Variants in ADAMTS20 observed in about 807,000 individuals in gnomAD.
The protein encoded by ADAMTS20 is ADAM metallopeptidase with thrombospondin type 1 motif 20, also known as A disintegrin and metalloproteinase with thrombospondin motifs 20.
In ADAMTS20, 225 loss-of-function variants were observed where a neutral mutation model predicts 260.1. That is an observed-to-expected ratio of 0.87 (90% CI 0.78 to 0.97). The LOEUF (loss-of-function observed/expected upper bound fraction) is 0.97. ADAMTS20 is among the 50% of genes least tolerant of loss of function. The pLI, the probability that ADAMTS20 is intolerant of heterozygous loss-of-function variation, is 0.00. For synonymous variants in ADAMTS20, 802 were observed against 769.5 expected (o/e 1.04, Z -0.70); for missense variants, 2,400 against 2,337.7 (o/e 1.03, Z -0.55).
chr12:43,512,865 A>T (rs1444872523), intron 3 of ADAMTS20, among the ~76,000 whole-genome samples: 1 of 152,164 alleles, frequency 6.6e-6, no homozygotes, highest in Non-Finnish European at 1.5e-5. Flanking sequence ...TTACAGCTGA[A>T]CTCCACATCA....
chr12:43,501,481 G>GCACACACACA (rs3036317), intron 4 of ADAMTS20, among the ~76,000 whole-genome samples: 89 of 117,846 alleles, frequency 7.6e-4, no homozygotes, highest in African/African-American at 2.0e-3. Flanking sequence ...GCGCGCGCGC[G>GCACACACACA]CACACACACA....
At position 43,383,538 on chromosome 12, in the gene ADAMTS20, A is replaced by C; in HGVS notation, c.4797+20T>G. 1 of 1,575,664 alleles carries C rather than the reference A, an allele frequency of 6.3e-7. No individual in the cohort carries two copies. Among genetic ancestry groups the C allele is most frequent in the South Asian group, 1.2e-5 (1 of 84,480 alleles). On this transcript the variant is annotated intron_variant, in intron 31 of 38. Coordinates refer to ENST00000389420, the MANE Select transcript of ADAMTS20 (RefSeq NM_025003.5). Reference sequence around the variant, plus strand: ...TTTTATCAAGGAGCAAAAATTCTCAACTTCCTTTCTTTACCTTACCTGTGA... The same window carrying C: ...TTTTATCAAGGAGCAAAAATTCTCACCTTCCTTTCTTTACCTTACCTGTGA...
At chr12:43,394,449 T>C (rs1020060210) in intron 29 of ADAMTS20, among the ~76,000 whole-genome samples, 3 of 152,128 alleles carry the variant, frequency 2.0e-5, no homozygotes, top group African/African-American at 7.2e-5. Context: ...AGTATGTTAG[T>C]GATTTAAGCA....
intron 17 of ADAMTS20, 36 bp from the exon 18 acceptor site, chr12:43,439,787 A>T: frequency 6.4e-7 from 1 of 1,570,876 alleles, no homozygotes; most frequent in Non-Finnish European, 8.6e-7. Flanking sequence ...CAATTAATAC[A>T]TAAAAATATA....
chr12:43,381,592 G>T (rs1372346149), intron 31 of ADAMTS20, among the ~76,000 whole-genome samples: 3 of 145,690 alleles, frequency 2.1e-5, no homozygotes, highest in Non-Finnish European at 4.5e-5. Context: ...AACCAGCTTG[G>T]GCAACACAGG....
intron 3 of ADAMTS20, among the ~76,000 whole-genome samples, chr12:43,505,262 G>A (rs1942825352): frequency 6.6e-6 from 1 of 152,022 alleles, no homozygotes; most frequent in Non-Finnish European, 1.5e-5. Context: ...CAAAAGCACA[G>A]GCAACAAAAG....
At chr12:43,549,241 CATT>C (rs1321767392) in intron 2 of ADAMTS20, among the ~76,000 whole-genome samples, 1 of 151,388 alleles carries the variant, frequency 6.6e-6, no homozygotes, top group African/African-American at 2.4e-5. Context: ...TCACACGTAA[CATT>C]ATAAAAATAT....
rs566398340 is a variant in ADAMTS20, at chr12:43,462,985, A to C, written c.1524T>G (p.His508Gln). 4 of 1,603,252 alleles carry C rather than the reference A, an allele frequency of 2.5e-6. No homozygotes were observed. The South Asian group carries it at 4.5e-5, about 18-fold the overall frequency. ...GCTTTTCTGTGCTTGTGCACCACAG[A>C]TGCATGCATATATTCTCCTGAGTAA... ...QMCPHINICM[H>Q]LWCTSTEKLH... The change falls in exon 11 of 39, where the codon CAT (histidine) becomes CAG (glutamine). Residue 508 changes from histidine to glutamine, a missense_variant. Physicochemically the swap from His to Gln is conservative, Grantham distance 24. Coordinates refer to ENST00000389420, the MANE Select transcript of ADAMTS20 (RefSeq NM_025003.5).
At chr12:43,462,805 C>T in intron 11 of ADAMTS20, 90 bp downstream of exon 11, 1 of 1,026,608 alleles carries the variant, frequency 9.7e-7, no homozygotes, top group Non-Finnish European at 1.4e-6. Context: ...GAAAAGTTGA[C>T]AGCAAATAAC....
Position 43,428,527 on chromosome 12 carries a change from G to A in ADAMTS20, c.3659C>T (p.Ser1220Leu), listed in dbSNP as rs943597036. Residue 1220 changes from serine to leucine, a missense_variant, in exon 26 of 39, where the codon TCA becomes TTA. Ser to Leu is a moderately radical substitution (Grantham distance 145). Coordinates refer to ENST00000389420, the MANE Select transcript of ADAMTS20 (RefSeq NM_025003.5). ...EWQAGDWSPC[S>L]ASCGHGKTTR... is the part of the protein sequence containing the mutation. The stretch of plus-strand genomic sequence containing the variant: ...TGTTTTTCCATGGCCACAGGAAGCT[G>A]AACACTGATCAAAAATTTAGCCAAT... The A allele has an allele frequency of 6.8e-6, 11 of 1,609,416 alleles. No individual in the cohort carries two copies. The highest frequency in any genetic ancestry group is 9.3e-6 in the Non-Finnish European group (11 of 1,177,132).
chr12:43,382,159 T>C (rs545119908), intron 31 of ADAMTS20, among the ~76,000 whole-genome samples: 2 of 152,154 alleles, frequency 1.3e-5, no homozygotes, highest in Non-Finnish European at 2.9e-5. Flanking sequence ...ATTGAAAACA[T>C]ACATCCACAC....
chr12:43,508,694 A>T (rs1942880199), intron 3 of ADAMTS20, among the ~76,000 whole-genome samples: 1 of 152,204 alleles, frequency 6.6e-6, no homozygotes, highest in South Asian at 2.1e-4. Context: ...CATATAGTAC[A>T]TAATAACATC....
intron 3 of ADAMTS20, among the ~76,000 whole-genome samples, chr12:43,505,368 A>G (rs1942827047): frequency 6.6e-6 from 1 of 152,194 alleles, no homozygotes; most frequent in Non-Finnish European, 1.5e-5. Context: ...ATTAGGAGAA[A>G]ATATTTACAA....
At chr12:43,488,978 A>G (rs1227611085) in intron 7 of ADAMTS20, among the ~76,000 whole-genome samples, 1 of 151,968 alleles carries the variant, frequency 6.6e-6, no homozygotes, top group East Asian at 1.9e-4. Flanking sequence ...TACTGCAATT[A>G]CCTTTCAGTT....
chr12:43,397,909 A>T (rs1429413128), intron 29 of ADAMTS20, among the ~76,000 whole-genome samples: 1 of 152,182 alleles, frequency 6.6e-6, no homozygotes, highest in Non-Finnish European at 1.5e-5. Context: ...ATTCAGTATC[A>T]GTGAGGCACT....
chr12:43,453,397 T>C (rs1424432965), intron 12 of ADAMTS20, among the ~76,000 whole-genome samples: 1 of 152,156 alleles, frequency 6.6e-6, no homozygotes, highest in Non-Finnish European at 1.5e-5. Context: ...CCCTTTTAAA[T>C]AGTTTGATGA....
intron 7 of ADAMTS20, among the ~76,000 whole-genome samples, chr12:43,482,786 G>A (rs1361215901): frequency 6.6e-6 from 1 of 152,180 alleles, no homozygotes; most frequent in Non-Finnish European, 1.5e-5. Flanking sequence ...GGTAACATAA[G>A]GCAAGCACAA....
At chr12:43,364,097 T>C (rs1939932044) in intron 37 of ADAMTS20, among the ~76,000 whole-genome samples, 1 of 152,140 alleles carries the variant, frequency 6.6e-6, no homozygotes, top group African/African-American at 2.4e-5. Context: ...ACGGTCACTG[T>C]GCATGCCCAA....
chr12:43,532,015 G>A, intron 3 of ADAMTS20, 21 bp downstream of exon 3: 1 of 1,448,450 alleles, frequency 6.9e-7, no homozygotes, highest in East Asian at 2.5e-5. Flanking sequence ...TAGCTGAAAA[G>A]AGTTCTATTT....
Sources: gnomAD v4.1 joint callset for allele counts (sites outside exome capture counted in the v4.1 genomes callset) on GRCh38, gnomAD v4.1.1 for gene constraint, MANE v1.5 for transcripts, NCBI Gene and HGNC (gene_info 2026-07-23, HGNC 2026-07-21) for gene names.